KIF6: variants seen among roughly 807,000 people sequenced by gnomAD.
KIF6 encodes the protein kinesin family member 6.
A neutral mutation model predicts 112.7 loss-of-function variants in KIF6; 106 were observed. That is an observed-to-expected ratio of 0.94 (90% CI 0.80 to 1.11). The LOEUF (loss-of-function observed/expected upper bound fraction) is 1.11. Ranked by LOEUF, KIF6 falls within the 50% of genes least tolerant of loss-of-function variation. KIF6 has a pLI of 0.00. For missense variants in KIF6, 929 were observed against 964.0 expected (o/e 0.96, Z 0.48); for synonymous variants, 339 against 339.9 (o/e 1.00, Z 0.03).
rs1230780068 is a variant in KIF6, at chr6:39,334,486, G to A, written c.*2046C>T. The A allele has an allele frequency of 6.6e-6, 1 of 152,542 alleles. No individual in the cohort carries two copies. The highest frequency in any genetic ancestry group is 1.5e-5 in the Non-Finnish European group (1 of 68,360). The allele number at this position is 152,542 out of a possible 1,614,324, so 9.4% of individuals were successfully genotyped here. On this transcript the variant is annotated 3_prime_UTR_variant, in exon 23 of 23. Coordinates refer to ENST00000287152, the MANE Select transcript of KIF6 (RefSeq NM_145027.6). ...TTCCAGCTACTTTGGAGGCTGAGGT[G>A]AGAGGATCGCTTGAGCCCAGGAGTT...
chr6:39,401,393 T>C (rs1240885042), intron 15 of KIF6, among the ~76,000 whole-genome samples: 2 of 152,190 alleles, frequency 1.3e-5, no homozygotes, highest in Non-Finnish European at 2.9e-5. Flanking sequence ...TGGGAAATGA[T>C]CCCTGGAAGC....
Position 39,533,333 on chromosome 6 carries a change from T to TA in KIF6, c.1645+6669dup, listed in dbSNP as rs996472401. ...TAATACTGCGCTTTTCTGATGGGCT[T>TA]AAAAAACGGTGCACCAGGAGATTAT... On this transcript the variant is annotated intron_variant, in intron 13 of 22. Coordinates refer to ENST00000287152, the MANE Select transcript of KIF6 (RefSeq NM_145027.6). 2.6e-5 allele frequency among the ~76,000 whole-genome samples: 4 copies of TA among 152,182 alleles called. No individual in the cohort carries two copies. The East Asian group carries it at 5.8e-4, about 22-fold the overall frequency.
rs11966988 is a variant in KIF6, at chr6:39,366,536, C to G, written c.1862-4018G>C. Among the ~76,000 whole-genome samples, 764 of 152,184 alleles carry G rather than the reference C, an allele frequency of 5.0e-3. 10 individuals carry two copies. Among genetic ancestry groups the G allele is most frequent in the African/African-American group, 0.017 (725 of 41,516 alleles). On this transcript the variant is annotated intron_variant, in intron 16 of 22. Transcript: ENST00000287152. ...AAAGCTGGGTAAAAAGACAGGATGA[C>G]AGGGTGGAAGACTGCCATGCTAGGT...
chr6:39,573,517 G>A (rs995507867), intron 10 of KIF6, among the ~76,000 whole-genome samples: 1 of 152,144 alleles, frequency 6.6e-6, no homozygotes, highest in African/African-American at 2.4e-5. Flanking sequence ...AGTTGTGAAC[G>A]AGTGCCAAAT....
At chr6:39,348,906 T>TCTGACCGGGCA in intron 19 of KIF6, among the ~76,000 whole-genome samples, 1 of 152,292 alleles carries the variant, frequency 6.6e-6, no homozygotes, top group South Asian at 2.1e-4. Context: ...CCCTGGCGGC[T>TCTGACCGGGCA]CTGACCGGGC....
At chr6:39,462,548 T>C (rs1467075134) in intron 13 of KIF6, among the ~76,000 whole-genome samples, 1 of 152,076 alleles carries the variant, frequency 6.6e-6, no homozygotes, top group Admixed American at 6.6e-5. Context: ...TCCTAATGGG[T>C]ACAATGAGCA....
At chr6:39,467,861 C>T (rs1408493084) in intron 13 of KIF6, among the ~76,000 whole-genome samples, 1 of 152,040 alleles carries the variant, frequency 6.6e-6, no homozygotes, top group East Asian at 1.9e-4. Context: ...CAGTCATATA[C>T]ATATATTCAA....
chr6:39,585,120 A>G, intron 8 of KIF6, 136 bp from the exon 9 acceptor site: 1 of 560,578 alleles, frequency 1.8e-6, no homozygotes, highest in East Asian at 2.8e-5. Context: ...GTGAGGAACT[A>G]TGCCCCTAAA....
rs1282689731 is a variant in KIF6, at chr6:39,388,391, TACTC to T, written c.1811-2723_1811-2720del. Reference sequence around the variant, plus strand: ...GGGATTTTGCCACCACAAGCATAAATACTCACTCTCAGAACAACGAGGCACCACC... The same window carrying T: ...GGGATTTTGCCACCACAAGCATAAATACTCTCAGAACAACGAGGCACCACC... On this transcript the variant is annotated intron_variant, in intron 15 of 22. Coordinates refer to ENST00000287152, the MANE Select transcript of KIF6 (RefSeq NM_145027.6). 8.6e-5 allele frequency among the ~76,000 whole-genome samples: 13 copies of T among 151,954 alleles called. 1 individual carries two copies. The highest frequency in any genetic ancestry group is 1.3e-4 in the Admixed American group (2 of 15,262).
chr6:39,617,594 A>C, intron 5 of KIF6: 1 of 391,158 alleles, frequency 2.6e-6, no homozygotes, highest in South Asian at 1.9e-5. Flanking sequence ...TGCTATTCAC[A>C]TCATGGGTTT....
intron 14 of KIF6, among the ~76,000 whole-genome samples, chr6:39,426,949 C>T (rs1292132557): frequency 6.6e-6 from 1 of 152,188 alleles, no homozygotes; most frequent in Non-Finnish European, 1.5e-5. Flanking sequence ...AAGGCTTTTG[C>T]ATGGGGGCAA....
chr6:39,401,019 T>G (rs1040307821), intron 15 of KIF6, among the ~76,000 whole-genome samples: 4 of 152,236 alleles, frequency 2.6e-5, no homozygotes, highest in Non-Finnish European at 5.9e-5. Context: ...AATTGGTGGT[T>G]TTTACCTGGA....
chr6:39,593,714 C>T (rs918298317), intron 7 of KIF6, among the ~76,000 whole-genome samples: 3 of 152,182 alleles, frequency 2.0e-5, no homozygotes, highest in Non-Finnish European at 4.4e-5. Context: ...TAAGAGCTGA[C>T]AGGCTTGCAA....
chr6:39,351,709 C>T (rs1056456678), intron 19 of KIF6, among the ~76,000 whole-genome samples: 8 of 152,092 alleles, frequency 5.3e-5, no homozygotes, highest in Non-Finnish European at 7.4e-5. Context: ...ACTCGCTGAG[C>T]AGGATATTGC....
At chr6:39,612,224 C>A (rs192841355) in intron 6 of KIF6, among the ~76,000 whole-genome samples, 1 of 152,152 alleles carries the variant, frequency 6.6e-6, no homozygotes, top group African/African-American at 2.4e-5. Context: ...GGTCCCTTGA[C>A]GGAGATTTTT....
At chr6:39,710,751 C>T in intron 3 of KIF6, among the ~76,000 whole-genome samples, 1 of 151,930 alleles carries the variant, frequency 6.6e-6, no homozygotes, top group East Asian at 1.9e-4. Flanking sequence ...ACTGCAAGGT[C>T]CAGAAATAAA....
At chr6:39,594,532 A>C (rs1417850230) in intron 7 of KIF6, among the ~76,000 whole-genome samples, 1 of 152,210 alleles carries the variant, frequency 6.6e-6, no homozygotes, top group East Asian at 1.9e-4. Flanking sequence ...AATGATCTGA[A>C]TACCAGGCAG....
intron 3 of KIF6, chr6:39,691,678 G>C (rs1024278609): frequency 4.6e-5 from 7 of 152,164 alleles, no homozygotes; most frequent in African/African-American, 1.7e-4. Context: ...GTTTACATAA[G>C]TAAAAGGCAT....
chr6:39,501,859 T>C (rs928292204), intron 13 of KIF6, among the ~76,000 whole-genome samples: 7 of 152,084 alleles, frequency 4.6e-5, no homozygotes, highest in South Asian at 2.1e-4. Flanking sequence ...CTGTGCCTGA[T>C]TGATATACCT....
Sources: allele counts gnomAD v4.1 joint callset (sites outside exome capture counted in the v4.1 genomes callset), GRCh38; gene constraint gnomAD v4.1.1; transcripts MANE v1.5; gene names NCBI Gene and HGNC (gene_info 2026-07-23, HGNC 2026-07-21).